Variants in PHACTR3 observed in about 807,000 individuals in gnomAD.
PHACTR3 encodes phosphatase and actin regulator 3, also known as protein phosphatase 1, regulatory subunit 123.
Under a neutral mutation model 66.8 loss-of-function variants are expected in PHACTR3, and 16 were observed. The ratio of observed to expected loss-of-function variants is 0.24; its 90% CI spans 0.16 to 0.36. The LOEUF (loss-of-function observed/expected upper bound fraction) is 0.36, where lower values mean the gene tolerates loss of function less well. Ranked by LOEUF, PHACTR3 falls within the 10% of genes least tolerant of loss-of-function variation. The pLI is 1.00. For synonymous variants in PHACTR3, 323 were observed against 292.1 expected, an observed-to-expected ratio of 1.11 and a Z score of -1.08; for missense variants, 647 against 719.9, an observed-to-expected ratio of 0.90 and a Z score of 1.16.
intron 1 of PHACTR3, among the ~76,000 whole-genome samples, chr20:59,592,740 T>A (rs1436004430): frequency 1.3e-5 from 2 of 152,232 alleles, no homozygotes; most frequent in African/African-American, 4.8e-5. Flanking sequence ...AGAGTTGGAA[T>A]CACACAGTGT....
chr20:59,737,815 C>T (rs185731545), intron 1 of PHACTR3, among the ~76,000 whole-genome samples: 52 of 152,188 alleles, frequency 3.4e-4, no homozygotes, highest in Non-Finnish European at 6.5e-4. Context: ...GGTGTCAGTA[C>T]GTATTTGTTG....
At chr20:59,807,673 G>A (rs534413344) in intron 8 of PHACTR3, among the ~76,000 whole-genome samples, 13 of 152,190 alleles carry the variant, frequency 8.5e-5, no homozygotes, top group African/African-American at 2.2e-4. Context: ...CACCAGCATC[G>A]CCACACACGT....
intron 1 of PHACTR3, among the ~76,000 whole-genome samples, chr20:59,638,796 A>AGATGGATG (rs375672544): frequency 7.4e-5 from 1 of 13,432 alleles, no homozygotes; most frequent in African/African-American, 2.4e-4. Context: ...GGAGATGGAT[A>AGATGGATG]GATGGATGGA....
rs2035420118 is a variant in PHACTR3 at position 59,650,278 on chromosome 20, T to A, written c.118+45146T>A. On this transcript the variant is annotated intron_variant, in intron 1 of 12. Coordinates refer to ENST00000371015, the MANE Select transcript of PHACTR3 (RefSeq NM_080672.5). ...GTGTGTATATATCTGCATATACCTA[T>A]GATTCATGTAAAGGGTTGCAGATAC... 2.6e-5 allele frequency among the ~76,000 whole-genome samples: 4 copies of A among 152,210 alleles called. No individual in the cohort carries two copies. In the South Asian group the frequency reaches 8.3e-4, roughly 32 times the overall value.
chr20:59,747,275 C>A (rs952333777), intron 2 of PHACTR3, among the ~76,000 whole-genome samples: 1 of 152,190 alleles, frequency 6.6e-6, no homozygotes, highest in Non-Finnish European at 1.5e-5. Context: ...TTGGAAGAAG[C>A]TCTAGTGGGA....
intron 1 of PHACTR3, among the ~76,000 whole-genome samples, chr20:59,689,922 A>G (rs1269358914): frequency 6.6e-6 from 1 of 152,134 alleles, no homozygotes; most frequent in Admixed American, 6.5e-5. Context: ...CTGGGAGGAT[A>G]CAGATGCATC....
At chr20:59,622,364 C>T (rs2034273267) in intron 1 of PHACTR3, among the ~76,000 whole-genome samples, 1 of 152,116 alleles carries the variant, frequency 6.6e-6, no homozygotes, top group Non-Finnish European at 1.5e-5. Flanking sequence ...CCTCTATAAA[C>T]TGGGGGCAAT....
At chr20:59,839,159 G>C (rs924184141) in intron 9 of PHACTR3, among the ~76,000 whole-genome samples, 1 of 151,996 alleles carries the variant, frequency 6.6e-6, no homozygotes, top group Non-Finnish European at 1.5e-5. Flanking sequence ...ATCCCTCATG[G>C]CTTGCCTTGT....
chr20:59,677,314 C>A (rs374878865), intron 1 of PHACTR3, among the ~76,000 whole-genome samples: 15 of 152,176 alleles, frequency 9.9e-5, no homozygotes, highest in Admixed American at 9.8e-4. Context: ...AGTCATTGTC[C>A]TTCCGGGATC....
At chr20:59,702,848 C>A (rs1054616268) in intron 1 of PHACTR3, among the ~76,000 whole-genome samples, 3 of 152,234 alleles carry the variant, frequency 2.0e-5, no homozygotes, top group African/African-American at 7.2e-5. Flanking sequence ...ATGTCTCTGG[C>A]AGCCTGTATT....
chr20:59,707,399 C>T (rs118167977), intron 1 of PHACTR3, among the ~76,000 whole-genome samples: 64 of 151,872 alleles, frequency 4.2e-4, no homozygotes, highest in Admixed American at 9.2e-4. Flanking sequence ...GAGTTCCTGA[C>T]AGCTGGTAGC....
intron 1 of PHACTR3, among the ~76,000 whole-genome samples, chr20:59,739,534 A>C (rs1427446661): frequency 3.3e-5 from 5 of 152,162 alleles, no homozygotes; most frequent in African/African-American, 1.2e-4. Flanking sequence ...GGCAGCAGGA[A>C]GGAGAAGTGC....
At chr20:59,754,554 C>T (rs1019606180) in intron 3 of PHACTR3, among the ~76,000 whole-genome samples, 6 of 152,226 alleles carry the variant, frequency 3.9e-5, no homozygotes, top group Admixed American at 2.0e-4. Context: ...CAGTAAACAC[C>T]TGTTTAATGC....
At chr20:59,683,212 G>T (rs896107088) in intron 1 of PHACTR3, among the ~76,000 whole-genome samples, 2 of 152,118 alleles carry the variant, frequency 1.3e-5, no homozygotes, top group Non-Finnish European at 2.9e-5. Flanking sequence ...GCCTATGAGG[G>T]GAAGGCCGTG....
At chr20:59,773,603 G>T in intron 6 of PHACTR3, 150 bp downstream of exon 6, 1 of 891,914 alleles carries the variant, frequency 1.1e-6, no homozygotes, top group Non-Finnish European at 1.6e-6. Flanking sequence ...TTTTCATTTT[G>T]CACCTCGCTC....
chr20:59,814,677 T>G (rs757784138), intron 8 of PHACTR3, among the ~76,000 whole-genome samples: 1 of 152,140 alleles, frequency 6.6e-6, no homozygotes, highest in Non-Finnish European at 1.5e-5. Context: ...TTTCACACAC[T>G]TGGACAGAAG....
intron 1 of PHACTR3, among the ~76,000 whole-genome samples, chr20:59,577,794 C>T (rs1278016461): frequency 6.6e-6 from 1 of 152,182 alleles, no homozygotes; most frequent in African/African-American, 2.4e-5. Context: ...GGCTTACCGC[C>T]CCCCTCCTCC....
intron 1 of PHACTR3, among the ~76,000 whole-genome samples, chr20:59,651,861 G>T (rs756961923): frequency 3.5e-5 from 5 of 142,258 alleles, no homozygotes; most frequent in African/African-American, 1.3e-4. Context: ...AGGTAGGTAG[G>T]TAGGTAGGTA....
intron 1 of PHACTR3, among the ~76,000 whole-genome samples, chr20:59,624,356 T>C (rs2034369418): frequency 1.3e-5 from 2 of 152,098 alleles, no homozygotes; most frequent in South Asian, 4.1e-4. Flanking sequence ...TCTCAAGCTT[T>C]AGGGTATATG....
Sources: gnomAD v4.1 joint callset for allele counts (sites outside exome capture counted in the v4.1 genomes callset) on GRCh38, gnomAD v4.1.1 for gene constraint, MANE v1.5 for transcripts, NCBI Gene and HGNC (gene_info 2026-07-23, HGNC 2026-07-21) for gene names.